Variants in RANBP17 observed in about 807,000 individuals in gnomAD.
The protein encoded by RANBP17 is RAN binding protein 17, also known as ran-binding protein 17.
Under a neutral mutation model 141.2 loss-of-function variants are expected in RANBP17, and 158 were observed. The observed-to-expected ratio is 1.12, with a 90% confidence interval of 0.98 to 1.28. The LOEUF is 1.28. Among genes scored for constraint, RANBP17 ranks in the 50% most tolerant of loss-of-function variants. The pLI is 0.00. For synonymous variants in RANBP17, 430 were observed against 450.0 expected, an observed-to-expected ratio of 0.96 and a Z score of 0.56; for missense variants, 1,438 against 1,290.7, an observed-to-expected ratio of 1.11 and a Z score of -1.75.
intron 14 of RANBP17, among the ~76,000 whole-genome samples, chr5:170,992,395 G>T (rs1361073112): frequency 6.6e-6 from 1 of 151,942 alleles, no homozygotes. Context: ...TAGTTATGTT[G>T]CCTCTTTTGT....
intron 25 of RANBP17, among the ~76,000 whole-genome samples, chr5:171,283,586 A>G (rs1161839437): frequency 6.6e-6 from 1 of 152,226 alleles, no homozygotes; most frequent in East Asian, 1.9e-4. Flanking sequence ...CTTAATGGAA[A>G]ATATTTCTGA....
At chr5:170,899,426 A>G (rs1372694884) in intron 5 of RANBP17, among the ~76,000 whole-genome samples, 1 of 152,184 alleles carries the variant, frequency 6.6e-6, no homozygotes, top group African/African-American at 2.4e-5. Flanking sequence ...GGGCTGAGAT[A>G]ATGGTATTTT....
In RANBP17 at chr5:171,047,978, A is replaced by G. The variant is rs147902812; in HGVS notation, c.1710+79601A>G. ...TTCTGGTTCACAAATATTTTCTCCTAAAAGTGATAGAATTTTATACAAGTC... is the reference window on the plus strand; with the variant it reads ...TTCTGGTTCACAAATATTTTCTCCTGAAAGTGATAGAATTTTATACAAGTC... On this transcript the variant is annotated intron_variant, in intron 14 of 27. Coordinates refer to ENST00000523189, the MANE Select transcript of RANBP17 (RefSeq NM_022897.5). Among the ~76,000 whole-genome samples the G allele has an allele frequency of 4.1e-3, 626 of 152,294 alleles. 5 individuals are homozygous for G. The highest frequency in any genetic ancestry group is 0.015 in the African/African-American group (604 of 41,574).
chr5:171,037,529 A>G (rs553733786), intron 14 of RANBP17, among the ~76,000 whole-genome samples: 1 of 152,302 alleles, frequency 6.6e-6, no homozygotes, highest in South Asian at 2.1e-4. Flanking sequence ...GATGTCCAGA[A>G]TGATGTTTCC....
chr5:171,088,093 C>T (rs191945481), intron 14 of RANBP17, among the ~76,000 whole-genome samples: 137 of 151,586 alleles, frequency 9.0e-4, no homozygotes, highest in Admixed American at 1.5e-3. Context: ...GATTTTGCAG[C>T]GGCTGGTACC....
At chr5:170,999,952 A>G (rs1779085759) in intron 14 of RANBP17, among the ~76,000 whole-genome samples, 1 of 152,144 alleles carries the variant, frequency 6.6e-6, no homozygotes. Context: ...TGTCTCAGTG[A>G]TTGTGACAAC....
At chr5:171,193,405 G>A (rs920188000) in intron 18 of RANBP17, among the ~76,000 whole-genome samples, 2 of 151,998 alleles carry the variant, frequency 1.3e-5, no homozygotes, top group African/African-American at 2.4e-5. Flanking sequence ...TTAATTAGAT[G>A]CCATGTGCCC....
In RANBP17 at chr5:171,183,224, C is replaced by G. The variant is rs769225815; in HGVS notation, c.1923C>G (p.Asn641Lys). 6.3e-7 allele frequency: 1 copy of G among 1,598,816 alleles called. No individual in the cohort carries two copies. The highest frequency in any genetic ancestry group is 2.2e-5 in the East Asian group (1 of 44,748). ...ATGCTGTGAAATTCATGCTAAAAAA[C>G]CACACGGTAAGTCTTATTTCTTTAA... is the stretch of plus-strand genomic sequence containing the variant. ...KIDAVKFMLK[N>K]HTSEHFPFLG... Residue 641 changes from asparagine to lysine, a missense_variant, in exon 17 of 28, where the codon AAC (asparagine) becomes AAG (lysine). By Grantham distance (94) the Asn-to-Lys change is moderately conservative. Transcript: ENST00000523189.
chr5:171,228,943 G>T (rs564657664), intron 22 of RANBP17, among the ~76,000 whole-genome samples: 1 of 152,048 alleles, frequency 6.6e-6, no homozygotes, highest in East Asian at 1.9e-4. Context: ...AAAAAAAAAA[G>T]TGTGACTAAC....
intron 14 of RANBP17, among the ~76,000 whole-genome samples, chr5:171,015,367 T>C (rs1216741635): frequency 6.6e-6 from 1 of 152,144 alleles, no homozygotes; most frequent in Non-Finnish European, 1.5e-5. Flanking sequence ...GGATAATTTC[T>C]GTTGCTGTTG....
chr5:171,081,650 A>G (rs1030640087), intron 14 of RANBP17, among the ~76,000 whole-genome samples: 6 of 152,178 alleles, frequency 3.9e-5, no homozygotes, highest in African/African-American at 1.4e-4. Context: ...AAGAAAATCA[A>G]CTTAGTTTTG....
intron 14 of RANBP17, among the ~76,000 whole-genome samples, chr5:171,000,183 A>T (rs926559883): frequency 3.9e-5 from 6 of 152,340 alleles, no homozygotes; most frequent in African/African-American, 1.4e-4. Flanking sequence ...AGCTATCATG[A>T]ATAATGCTGC....
intron 22 of RANBP17, among the ~76,000 whole-genome samples, chr5:171,229,041 C>T (rs1169719200): frequency 6.6e-6 from 1 of 152,052 alleles, no homozygotes; most frequent in East Asian, 1.9e-4. Flanking sequence ...ATAAATGATA[C>T]TTATGTATAA....
At chr5:171,258,025 G>C (rs998818681) in intron 24 of RANBP17, among the ~76,000 whole-genome samples, 1 of 151,600 alleles carries the variant, frequency 6.6e-6, no homozygotes, top group Non-Finnish European at 1.5e-5. Flanking sequence ...AGAATCGCTT[G>C]AACCCAGGAG....
chr5:171,031,601 GT>G (rs1489199446), intron 14 of RANBP17, among the ~76,000 whole-genome samples: 1 of 151,926 alleles, frequency 6.6e-6, no homozygotes, highest in Non-Finnish European at 1.5e-5. Context: ...TTGAAATCAT[GT>G]TTTAAATTTC....
intron 12 of RANBP17, among the ~76,000 whole-genome samples, chr5:170,946,974 A>G (rs754777840): frequency 6.6e-6 from 1 of 152,196 alleles, no homozygotes; most frequent in Non-Finnish European, 1.5e-5. Flanking sequence ...TGTACTGGAC[A>G]ACTACAGATT....
chr5:171,091,456 C>G (rs1045115272), intron 14 of RANBP17, among the ~76,000 whole-genome samples: 1 of 152,178 alleles, frequency 6.6e-6, no homozygotes, highest in Non-Finnish European at 1.5e-5. Context: ...CTTGTCTCCT[C>G]TTGGATGAGA....
At chr5:171,015,586 T>C (rs1025346844) in intron 14 of RANBP17, among the ~76,000 whole-genome samples, 2 of 152,268 alleles carry the variant, frequency 1.3e-5, no homozygotes. Flanking sequence ...TCTAATAATT[T>C]AATAATCTGT....
At chr5:170,947,773 GC>G (rs1315256309) in intron 12 of RANBP17, among the ~76,000 whole-genome samples, 1 of 152,032 alleles carries the variant, frequency 6.6e-6, no homozygotes, top group Non-Finnish European at 1.5e-5. Context: ...GCTAGTTCGG[GC>G]CTCCTAATAG....
Sources: gnomAD v4.1 joint callset for allele counts (sites outside exome capture counted in the v4.1 genomes callset) on GRCh38, gnomAD v4.1.1 for gene constraint, MANE v1.5 for transcripts, NCBI Gene and HGNC (gene_info 2026-07-23, HGNC 2026-07-21) for gene names.